The following SLC25A20 variants were observed in gnomAD, a reference collection of about 807,000 sequenced individuals.
The protein encoded by SLC25A20 is mitochondrial carnitine/acylcarnitine carrier protein.
In SLC25A20, 29 loss-of-function variants were observed where a neutral mutation model predicts 39.7. The ratio of observed to expected loss-of-function variants is 0.73; its 90% CI spans 0.54 to 1.00. The LOEUF (loss-of-function observed/expected upper bound fraction) is 1.00. Ranked by LOEUF, SLC25A20 falls within the 50% of genes least tolerant of loss-of-function variation. The probability of loss-of-function intolerance (pLI) is 0.00; values close to 1 mark genes in which losing one functional copy is unlikely to be tolerated. For missense variants in SLC25A20, 333 were observed against 379.9 expected, an observed-to-expected ratio of 0.88 and a Z score of 1.03; for synonymous variants, 103 against 142.2, an observed-to-expected ratio of 0.72 and a Z score of 1.96.
chr3:48,880,040 C>T (rs557098427), intron 3 of SLC25A20, among the ~76,000 whole-genome samples: 2 of 152,268 alleles, frequency 1.3e-5, no homozygotes, highest in African/African-American at 4.8e-5. Context: ...CTGCATGCAA[C>T]GTGCTGTAAG....
chr3:48,871,710 T>C (rs925045388), intron 4 of SLC25A20, among the ~76,000 whole-genome samples: 11 of 144,572 alleles, frequency 7.6e-5, no homozygotes, highest in Non-Finnish European at 1.0e-4. Context: ...GAGGTTGTGG[T>C]GAGCCAAGAT....
chr3:48,886,517 C>T (rs1221946788), intron 2 of SLC25A20, among the ~76,000 whole-genome samples: 1 of 151,404 alleles, frequency 6.6e-6, no homozygotes, highest in Non-Finnish European at 1.5e-5. Context: ...GAGTAAAACT[C>T]CGTCTCAAAC....
chr3:48,876,800 T>C (rs904265589), intron 4 of SLC25A20, among the ~76,000 whole-genome samples: 3 of 151,866 alleles, frequency 2.0e-5, no homozygotes, highest in Non-Finnish European at 4.4e-5. Context: ...TCTGGACAAA[T>C]GTTAGAAACA....
intron 4 of SLC25A20, among the ~76,000 whole-genome samples, chr3:48,872,886 A>G (rs909929354): frequency 5.3e-5 from 8 of 151,888 alleles, no homozygotes; most frequent in Non-Finnish European, 8.8e-5. Flanking sequence ...AATTGACTCA[A>G]ATGAGGTCAC....
chr3:48,897,367 ATTT>A lies in SLC25A20; in HGVS notation c.105+1320_105+1322del, dbSNP rs869090435. Among the ~76,000 whole-genome samples the A allele has an allele frequency of 3.6e-3, 304 of 83,704 alleles. 2 individuals are homozygous for A. The highest frequency in any genetic ancestry group is 0.012 in the African/African-American group (275 of 22,814). 54.9% of individuals were successfully genotyped at this position (83,704 alleles called of 152,430 possible). ...TGTGAATATATATATATATATATAT[ATTT>A]TTTTTTTTTTTTTTTTTAAGGGCGG... On this transcript the variant is annotated intron_variant, in intron 1 of 8. Transcript: ENST00000319017.
intron 4 of SLC25A20, among the ~76,000 whole-genome samples, chr3:48,869,270 G>A (rs1378761431): frequency 1.3e-5 from 2 of 152,176 alleles, no homozygotes; most frequent in South Asian, 2.1e-4. Context: ...ACACCAAGAT[G>A]TCAGAGACAT....
chr3:48,862,426 G>C, intron 5 of SLC25A20, 116 bp downstream of exon 5: 1 of 764,462 alleles, frequency 1.3e-6, no homozygotes, highest in East Asian at 2.5e-5. Context: ...AGTATTGTCA[G>C]AGATGTGACA....
chr3:48,884,386 G>A (rs944649840), intron 2 of SLC25A20, among the ~76,000 whole-genome samples: 5 of 151,930 alleles, frequency 3.3e-5, no homozygotes, highest in Non-Finnish European at 5.9e-5. Context: ...GTCTCACTCT[G>A]TCGCCCAGGC....
chr3:48,861,730 AAAT>A (rs540233282), intron 5 of SLC25A20, among the ~76,000 whole-genome samples: 1 of 151,474 alleles, frequency 6.6e-6, no homozygotes, highest in African/African-American at 2.4e-5. Flanking sequence ...CTGTCTCAAA[AAAT>A]AATAATAATA....
At chr3:48,863,392 C>T (rs2083641338) in intron 4 of SLC25A20, among the ~76,000 whole-genome samples, 1 of 152,168 alleles carries the variant, frequency 6.6e-6, no homozygotes, top group South Asian at 2.1e-4. Flanking sequence ...TCACTCAAAG[C>T]TCTAAGTTCC....
At chr3:48,869,329 A>G (rs561686115) in intron 4 of SLC25A20, among the ~76,000 whole-genome samples, 1 of 152,310 alleles carries the variant, frequency 6.6e-6, no homozygotes, top group East Asian at 1.9e-4. Context: ...AAAATCCTTC[A>G]ATGAGCAATT....
intron 5 of SLC25A20, among the ~76,000 whole-genome samples, chr3:48,860,061 G>A (rs778691660): frequency 5.3e-5 from 8 of 152,128 alleles, no homozygotes; most frequent in African/African-American, 9.7e-5. Flanking sequence ...CCAGCACTTC[G>A]GGAGGCCGAG....
At position 48,887,799 on chromosome 3, in the gene SLC25A20, G is replaced by C. The variant is rs150207096; in HGVS notation, c.199-3675C>G. Among the ~76,000 whole-genome samples, 706 of 152,286 alleles carry C rather than the reference G, an allele frequency of 4.6e-3. 1 individual carries two copies. Among genetic ancestry groups the C allele is most frequent in the Non-Finnish European group, 6.6e-3 (447 of 68,032 alleles). On this transcript the variant is annotated intron_variant, in intron 2 of 8. Coordinates refer to ENST00000319017, the MANE Select transcript of SLC25A20 (RefSeq NM_000387.6). ...CGCTTGTAGTCCCAGCTACTCGGGAGGCTGAGGCAGGGAGAATTGCTTGAA... is the reference window on the plus strand; with the variant it reads ...CGCTTGTAGTCCCAGCTACTCGGGACGCTGAGGCAGGGAGAATTGCTTGAA...
chr3:48,881,104 TC>T (rs1192172287), intron 3 of SLC25A20, among the ~76,000 whole-genome samples: 1 of 152,064 alleles, frequency 6.6e-6, no homozygotes, highest in Non-Finnish European at 1.5e-5. Flanking sequence ...TAGAGGGACA[TC>T]CACTGTAAAG....
chr3:48,879,212 C>A, intron 4 of SLC25A20, 146 bp downstream of exon 4: 1 of 761,074 alleles, frequency 1.3e-6, no homozygotes, highest in Non-Finnish European at 2.4e-6. Context: ...AATCCTCACA[C>A]CTTGGTCTCC....
In SLC25A20 at chr3:48,884,893, TAA is replaced by T. The variant is rs74266012; in HGVS notation, c.199-771_199-770del. Among the ~76,000 whole-genome samples the T allele has an allele frequency of 2.0e-3, 201 of 99,274 alleles. 1 individual carries two copies. The highest frequency in any genetic ancestry group is 5.3e-3 in the African/African-American group (150 of 28,508). 65.1% of individuals were successfully genotyped at this position (99,274 alleles called of 152,430 possible). The stretch of plus-strand genomic sequence containing the variant: ...TATAACATGAGAAGAGATTATTAAG[TAA>T]AAAAAAAAAAAAAAGCTACAAAACA... On this transcript the variant is annotated intron_variant, in intron 2 of 8. Coordinates refer to ENST00000319017, the MANE Select transcript of SLC25A20 (RefSeq NM_000387.6).
rs1215817949 is a variant in SLC25A20 at position 48,867,703 on chromosome 3, G to T, written c.418-5044C>A. Reference sequence around the variant, plus strand: ...AATAATGTCTGTGGCTGGGCAAGAGGAGATGGGATCCAGTGCACAAAGAGG... The same window carrying T: ...AATAATGTCTGTGGCTGGGCAAGAGTAGATGGGATCCAGTGCACAAAGAGG... On this transcript the variant is annotated intron_variant, in intron 4 of 8. Coordinates refer to ENST00000319017, the MANE Select transcript of SLC25A20 (RefSeq NM_000387.6). Among the ~76,000 whole-genome samples, 5 of 151,680 alleles carry T rather than the reference G, an allele frequency of 3.3e-5. 1 individual carries two copies. The highest frequency in any genetic ancestry group is 1.2e-4 in the African/African-American group (5 of 41,340).
chr3:48,887,992 T>C (rs937810968), intron 2 of SLC25A20, among the ~76,000 whole-genome samples: 5 of 149,928 alleles, frequency 3.3e-5, no homozygotes, highest in Admixed American at 2.0e-4. Context: ...GCAGATCACC[T>C]GAGCTCAGGA....
intron 4 of SLC25A20, among the ~76,000 whole-genome samples, chr3:48,869,376 G>C (rs542234626): frequency 3.3e-5 from 5 of 152,064 alleles, no homozygotes; most frequent in Non-Finnish European, 7.4e-5. Context: ...GGCTGGGCAC[G>C]GTGGCTCACA....
Sources: gnomAD v4.1 joint callset for allele counts (sites outside exome capture counted in the v4.1 genomes callset) on GRCh38, gnomAD v4.1.1 for gene constraint, MANE v1.5 for transcripts, NCBI Gene and HGNC (gene_info 2026-07-23, HGNC 2026-07-21) for gene names.